Variants in KIF24 observed in about 807,000 individuals in gnomAD.
KIF24 encodes kinesin-like protein KIF24.
Under a neutral mutation model 118.9 loss-of-function variants are expected in KIF24, and 81 were observed. The observed-to-expected ratio is 0.68, with a 90% CI of 0.57 to 0.82. The LOEUF is 0.82. KIF24 is among the 40% of genes least tolerant of loss of function. The probability of loss-of-function intolerance (pLI) is 0.00; values close to 1 mark genes in which losing one functional copy is unlikely to be tolerated. For missense variants in KIF24, 1,560 were observed against 1,661.6 expected, an observed-to-expected ratio of 0.94 and a Z score of 1.06; for synonymous variants, 599 against 610.0, an observed-to-expected ratio of 0.98 and a Z score of 0.27.
chr9:34,263,753 T>G (rs79294189), intron 8 of KIF24, among the ~76,000 whole-genome samples: 1 of 146,656 alleles, frequency 6.8e-6, no homozygotes, highest in Non-Finnish European at 1.5e-5. Flanking sequence ...TTTTTTTTTT[T>G]GTAGAGATGG....
Position 34,311,289 on chromosome 9 carries a change from G to C in KIF24, c.58C>G (p.His20Asp). 6.2e-7 allele frequency: 1 copy of C among 1,611,624 alleles called. No individual in the cohort carries two copies. The highest frequency in any genetic ancestry group is 8.5e-7 in the Non-Finnish European group (1 of 1,178,556). The change falls in exon 2 of 13, where the codon CAT becomes GAT. Residue 20 changes from histidine to aspartate, a missense_variant. His to Asp is a moderately conservative substitution (Grantham distance 81). Coordinates refer to ENST00000402558, the MANE Select transcript of KIF24 (RefSeq NM_194313.4). ...TTCTGAAGGCCAAGGGCAGTGAAAT[G>C]AGAATAATACTGTGCAAGTTCAGCT... ...CEAELAQYYS[H>D]FTALGLQKID...
Position 34,254,418 on chromosome 9 carries a change from C to CGTGGCAGGTGAGATAGAGCT in KIF24, c.4049_4068dup (p.Gly1357SerfsTer62), listed in dbSNP as rs1258763639. On this transcript the variant is annotated frameshift_variant, in exon 13 of 13. Transcript: ENST00000402558. LOFTEE classifies it high-confidence loss of function. ...GTTCCCTCAGGGGCTGCGGTGGGCC[C>CGTGGCAGGTGAGATAGAGCT]GTGGCAGGTGAGATAGAGCTGCAGC... 6.2e-7 allele frequency: 1 copy of CGTGGCAGGTGAGATAGAGCT among 1,613,644 alleles called. No individual in the cohort carries two copies. The highest frequency in any genetic ancestry group is 1.3e-5 in the African/African-American group (1 of 74,912).
chr9:34,269,281 T>G lies in KIF24; in HGVS notation c.1419A>C (p.Ala473=). 2 of 1,608,734 alleles carry G rather than the reference T, an allele frequency of 1.2e-6. No homozygotes were observed. The highest frequency in any genetic ancestry group is 2.2e-5 in the South Asian group (2 of 90,714). Residue 473 remains alanine (A), a synonymous_variant, in exon 8 of 13, where the codon GCA becomes GCC. Transcript: ENST00000402558. ...CAGCCAGTAGACTCTGATTTATTTCTGCACCTTCCATCTTTGTCTGTCTAT... is the reference window on the plus strand; with the variant it reads ...CAGCCAGTAGACTCTGATTTATTTCGGCACCTTCCATCTTTGTCTGTCTAT... ...DSDRQTKMEG[A]EINQSLLALK...
At chr9:34,260,396 A>T (rs994833458) in intron 9 of KIF24, among the ~76,000 whole-genome samples, 1 of 148,556 alleles carries the variant, frequency 6.7e-6, no homozygotes, top group Admixed American at 6.7e-5. Flanking sequence ...ACCATTAAAA[A>T]TGATTATACC....
At chr9:34,322,856 CA>C (rs1379980169) in intron 1 of KIF24, among the ~76,000 whole-genome samples, 1 of 151,752 alleles carries the variant, frequency 6.6e-6, no homozygotes, top group Non-Finnish European at 1.5e-5. Flanking sequence ...ACTCCGTCTC[CA>C]AAAAACAAAT....
In KIF24 at chr9:34,257,718, C is replaced by T; in HGVS notation, c.1889G>A (p.Arg630Lys). The T allele has an allele frequency of 6.2e-7, 1 of 1,614,030 alleles. No homozygotes were observed. Among genetic ancestry groups the T allele is most frequent in the Non-Finnish European group, 8.5e-7 (1 of 1,179,894 alleles). Reference protein sequence around the residue: ...FTSAPKVSGKRGGSRGSPSQE... With the variant: ...FTSAPKVSGKKGGSRGSPSQE... ...TGAAGGACTCCCTCTGGAGCCACCCCTTTTACCAGAGACCTTAGGTGCAGA... is the reference window on the plus strand; with the variant it reads ...TGAAGGACTCCCTCTGGAGCCACCCTTTTTACCAGAGACCTTAGGTGCAGA... The change falls in exon 11 of 13, where the codon AGG becomes AAG. Residue 630 changes from arginine (R) to lysine (K), a missense_variant. Coordinates refer to ENST00000402558, the MANE Select transcript of KIF24 (RefSeq NM_194313.4).
At position 34,257,734 on chromosome 9, in the gene KIF24, T is replaced by C. The variant is rs1224339542; in HGVS notation, c.1873A>G (p.Lys625Glu). 2.5e-6 allele frequency: 4 copies of C among 1,614,002 alleles called. No individual in the cohort carries two copies. In the Admixed American group the frequency reaches 5.0e-5, roughly 20 times the overall value. Residue 625 changes from lysine (K) to glutamate (E), a missense_variant, in exon 11 of 13, where the codon AAG (lysine) becomes GAG (glutamate). By Grantham distance (56) the Lys-to-Glu change is moderately conservative (BLOSUM62 1). Coordinates refer to ENST00000402558, the MANE Select transcript of KIF24 (RefSeq NM_194313.4). ...PPNIPFTSAP[K>E]VSGKRGGSRG... ...GAGCCACCCCTTTTACCAGAGACCTTAGGTGCAGAAGTAAAAGGAATGTTG... is the reference window on the plus strand; with the variant it reads ...GAGCCACCCCTTTTACCAGAGACCTCAGGTGCAGAAGTAAAAGGAATGTTG...
At chr9:34,303,425 T>C (rs1836800070) in intron 3 of KIF24, among the ~76,000 whole-genome samples, 1 of 152,260 alleles carries the variant, frequency 6.6e-6, no homozygotes, top group Non-Finnish European at 1.5e-5. Context: ...ATTAAACAGA[T>C]GCTTTTATAG....
chr9:34,286,124 A>T (rs1328460070), intron 6 of KIF24, among the ~76,000 whole-genome samples: 1 of 151,780 alleles, frequency 6.6e-6, no homozygotes. Flanking sequence ...ACCTGAGGTC[A>T]GGAGTTCAAG....
chr9:34,297,914 T>A (rs1453440221), intron 3 of KIF24, among the ~76,000 whole-genome samples: 4 of 152,144 alleles, frequency 2.6e-5, no homozygotes, highest in Non-Finnish European at 5.9e-5. Flanking sequence ...ATATAGACAT[T>A]ACCCTAGCAT....
chr9:34,255,095 G>T lies in KIF24; in HGVS notation c.3943C>A (p.Leu1315Met). The change falls in exon 12 of 13, where the codon CTG becomes ATG. Residue 1315 changes from leucine (L) to methionine (M), a missense_variant. By Grantham distance (15) the Leu-to-Met change is conservative (BLOSUM62 2). Transcript: ENST00000402558. ...ACATTAGAAGCCAGCTGGCTCATCA[G>T]CGTCTCCTCCTTGAAGCCGAGCTCA... ...MAELGFKEET[L>M]MSQLASNDFE... 1 of 1,594,076 alleles carries T rather than the reference G, an allele frequency of 6.3e-7. No individual in the cohort carries two copies. Among genetic ancestry groups the T allele is most frequent in the Non-Finnish European group, 8.5e-7 (1 of 1,170,020 alleles).
intron 8 of KIF24, among the ~76,000 whole-genome samples, chr9:34,264,318 TACTC>T (rs909917543): frequency 1.7e-4 from 26 of 151,748 alleles, no homozygotes; most frequent in African/African-American, 5.6e-4. Flanking sequence ...TAATCCCAGT[TACTC>T]AGGAGGCTGA....
Position 34,256,254 on chromosome 9 carries a change from G to T in KIF24, c.3353C>A (p.Pro1118His), listed in dbSNP as rs1194527820. The change falls in exon 11 of 13, where the codon CCC (proline) becomes CAC (histidine). Residue 1118 changes from proline to histidine, a missense_variant. Pro to His is a moderately conservative substitution (Grantham distance 77). This residue lies in a region of KIF24 where 591 missense variants were observed against 655.6 expected (regional missense o/e 0.90). Transcript: ENST00000402558. ...ATRHLWLSSS[P>H]PDNKPGGDLP... ...ATCACCACCAGGCTTATTATCAGGG[G>T]GAGATGAGGACAGCCACAGGTGCCT... 1.2e-6 allele frequency: 2 copies of T among 1,606,212 alleles called. No homozygotes were observed. Among genetic ancestry groups the T allele is most frequent in the Non-Finnish European group, 1.7e-6 (2 of 1,175,796 alleles).
At chr9:34,289,987 C>T (rs1257348811) in intron 5 of KIF24, among the ~76,000 whole-genome samples, 187 bp downstream of exon 5, 1 of 152,036 alleles carries the variant, frequency 6.6e-6, no homozygotes, top group African/African-American at 2.4e-5. Context: ...TAATGAAAAG[C>T]TAATTTACAT....
intron 4 of KIF24, among the ~76,000 whole-genome samples, chr9:34,293,183 TA>T (rs1288015538): frequency 1.3e-5 from 2 of 151,788 alleles, no homozygotes; most frequent in Non-Finnish European, 2.9e-5. Context: ...AAATGGTCAG[TA>T]AGGACATGAA....
intron 6 of KIF24, among the ~76,000 whole-genome samples, chr9:34,281,039 T>G (rs1394609391): frequency 6.6e-6 from 1 of 152,216 alleles, no homozygotes; most frequent in African/African-American, 2.4e-5. Flanking sequence ...TCTTCTTTCT[T>G]TTTTGAGATG....
chr9:34,270,051 G>A (rs142238485), intron 7 of KIF24, among the ~76,000 whole-genome samples: 1,815 of 151,672 alleles, frequency 0.012, 39 homozygotes, highest in African/African-American at 0.04. Flanking sequence ...GTGAAACCCC[G>A]TCTCTACTAA....
At chr9:34,263,934 G>A (rs1835188385) in intron 8 of KIF24, among the ~76,000 whole-genome samples, 1 of 151,946 alleles carries the variant, frequency 6.6e-6, no homozygotes, top group African/African-American at 2.4e-5. Flanking sequence ...GCAAAGGAAT[G>A]TTCCTTGCTC....
intron 8 of KIF24, among the ~76,000 whole-genome samples, chr9:34,268,111 T>C (rs746450612): frequency 6.6e-6 from 1 of 152,190 alleles, no homozygotes; most frequent in African/African-American, 2.4e-5. Context: ...CTTCTTTAGG[T>C]AAGATAATGG....
Sources: gnomAD v4.1 joint callset for allele counts (sites outside exome capture counted in the v4.1 genomes callset) on GRCh38, gnomAD v4.1.1 for gene constraint, gnomAD v4.1.1 regional missense constraint, MANE v1.5 for transcripts, NCBI Gene and HGNC (gene_info 2026-07-23, HGNC 2026-07-21) for gene names.